MAML3: variants seen among roughly 807,000 people sequenced by gnomAD.
MAML3 encodes mastermind-like protein 3.
MAML3 carries 27 observed loss-of-function variants against 101.9 expected under a neutral mutation model. That is an observed-to-expected ratio of 0.27 (90% CI 0.20 to 0.37). MAML3 has a LOEUF of 0.37. Ranked by LOEUF, MAML3 falls within the 10% of genes least tolerant of loss-of-function variation. The pLI, the probability that MAML3 is intolerant of heterozygous loss-of-function variation, is 1.00. For missense variants in MAML3, 1,316 were observed against 1,444.9 expected, an observed-to-expected ratio of 0.91 and a Z score of 1.45; for synonymous variants, 501 against 555.9, an observed-to-expected ratio of 0.90 and a Z score of 1.39.
Position 140,086,882 on chromosome 4 carries a change from G to A in MAML3, c.468+65978C>T, listed in dbSNP as rs767448599. Among the ~76,000 whole-genome samples the A allele has an allele frequency of 2.6e-5, 4 of 152,262 alleles. No homozygotes were observed. The East Asian group carries it at 5.8e-4, about 22-fold the overall frequency. On this transcript the variant is annotated intron_variant, in intron 1 of 4. Coordinates refer to ENST00000509479, the MANE Select transcript of MAML3 (RefSeq NM_018717.5). Reference sequence around the variant, plus strand: ...TTTGAAAAAAGAATGAAAATAGGCCGGGCACGGTGGCTCACGCCTGTAATC... The same window carrying A: ...TTTGAAAAAAGAATGAAAATAGGCCAGGCACGGTGGCTCACGCCTGTAATC...
chr4:140,151,696 G>GC (rs1031718860), intron 1 of MAML3, among the ~76,000 whole-genome samples: 122 of 150,304 alleles, frequency 8.1e-4, no homozygotes, highest in Non-Finnish European at 2.2e-4. Context: ...GGTGCGGGGG[G>GC]GGGGGGCACA....
chr4:139,983,425 G>T (rs764428297), intron 1 of MAML3, among the ~76,000 whole-genome samples: 43 of 152,330 alleles, frequency 2.8e-4, no homozygotes, highest in Non-Finnish European at 5.3e-4. Flanking sequence ...CAGGTTAAAT[G>T]TTGCTGAGGG....
At chr4:140,124,222 C>T (rs1205337366) in intron 1 of MAML3, among the ~76,000 whole-genome samples, 1 of 152,204 alleles carries the variant, frequency 6.6e-6, no homozygotes, top group African/African-American at 2.4e-5. Context: ...TCTCAATCCA[C>T]CACACTACGC....
Position 140,004,392 on chromosome 4 carries a change from C to A in MAML3, c.469-113425G>T, listed in dbSNP as rs1400209145. 2.0e-5 allele frequency among the ~76,000 whole-genome samples: 3 copies of A among 152,172 alleles called. No individual in the cohort carries two copies. The South Asian group carries it at 6.2e-4, about 32-fold the overall frequency. On this transcript the variant is annotated intron_variant, in intron 1 of 4. Coordinates refer to ENST00000509479, the MANE Select transcript of MAML3 (RefSeq NM_018717.5). Reference sequence around the variant, plus strand: ...CAAGAACGTAATTCCCAGATCCACACAGGGGCACTGTCAGTTTTAAAGGCA... The same window carrying A: ...CAAGAACGTAATTCCCAGATCCACAAAGGGGCACTGTCAGTTTTAAAGGCA...
At chr4:139,965,554 G>A (rs1734113963) in intron 1 of MAML3, among the ~76,000 whole-genome samples, 1 of 152,154 alleles carries the variant, frequency 6.6e-6, no homozygotes, top group Non-Finnish European at 1.5e-5. Flanking sequence ...GCTGTCTTAT[G>A]TTAAAAAGGA....
chr4:140,016,949 A>C (rs1726651542), intron 1 of MAML3, among the ~76,000 whole-genome samples: 2 of 152,232 alleles, frequency 1.3e-5, no homozygotes, highest in Admixed American at 1.3e-4. Context: ...GTCAAGGAAA[A>C]TTTGGTAAGT....
chr4:139,991,898 A>T (rs1026608591), intron 1 of MAML3, among the ~76,000 whole-genome samples: 15 of 152,104 alleles, frequency 9.9e-5, no homozygotes, highest in African/African-American at 2.4e-4. Context: ...TAAAAAAAAA[A>T]TTTCAAGTGT....
Position 139,720,206 on chromosome 4 carries a change from C to T in MAML3, c.2534G>A (p.Gly845Glu). ...CTGCGCAGCTGCGGTGGCCATCGTC[C>T]CAGGGTTCTGGGAGGGTCCTATTCC... ...MMGIGPSQNPGTMATAAAQSE... is the reference protein window; with the variant it reads ...MMGIGPSQNPETMATAAAQSE... Residue 845 changes from glycine to glutamate, a missense_variant, in exon 5 of 5, where the codon GGG (glycine) becomes GAG (glutamate). Coordinates refer to ENST00000509479, the MANE Select transcript of MAML3 (RefSeq NM_018717.5). 2 of 1,613,834 alleles carry T rather than the reference C, an allele frequency of 1.2e-6. No homozygotes were observed.
chr4:140,111,118 T>G (rs1728432457), intron 1 of MAML3, among the ~76,000 whole-genome samples: 1 of 152,230 alleles, frequency 6.6e-6, no homozygotes. Flanking sequence ...CTATGCTATG[T>G]ATTAAACATG....
intron 2 of MAML3, among the ~76,000 whole-genome samples, chr4:139,809,554 C>T (rs77843337): frequency 0.013 from 2,032 of 152,244 alleles, 42 homozygotes; most frequent in African/African-American, 0.046. Context: ...GATTGTGCAC[C>T]GGCACACGTC....
intron 1 of MAML3, among the ~76,000 whole-genome samples, chr4:139,931,950 C>T (rs903411550): frequency 6.6e-6 from 1 of 151,896 alleles, no homozygotes; most frequent in Non-Finnish European, 1.5e-5. Flanking sequence ...ACCTGGGAGG[C>T]GGAGGTTGCA....
chr4:139,757,614 G>T (rs143220024), intron 2 of MAML3, among the ~76,000 whole-genome samples: 1,716 of 136,746 alleles, frequency 0.013, 25 homozygotes, highest in East Asian at 0.069. Flanking sequence ...CTGCACTCCA[G>T]CCTGGATGAC....
chr4:140,132,907 C>T (rs185757353), intron 1 of MAML3: 6 of 242,140 alleles, frequency 2.5e-5, no homozygotes, highest in Admixed American at 1.9e-4. Context: ...TGGTCTACAT[C>T]GTGAAACTTC....
chr4:139,942,927 C>G (rs572670178), intron 1 of MAML3, among the ~76,000 whole-genome samples: 1 of 152,144 alleles, frequency 6.6e-6, no homozygotes, highest in African/African-American at 2.4e-5. Flanking sequence ...TATCATAACT[C>G]AAAACAACTG....
intron 1 of MAML3, among the ~76,000 whole-genome samples, chr4:140,003,397 G>A (rs1005699963): frequency 6.6e-6 from 1 of 152,242 alleles, no homozygotes; most frequent in African/African-American, 2.4e-5. Flanking sequence ...TTGGGCATAA[G>A]GAGAAAAAGA....
intron 1 of MAML3, among the ~76,000 whole-genome samples, chr4:140,140,243 G>C (rs1201370339): frequency 3.3e-5 from 5 of 152,108 alleles, no homozygotes; most frequent in African/African-American, 9.7e-5. Flanking sequence ...AGAATTGCCT[G>C]AACCCAGGAG....
intron 2 of MAML3, among the ~76,000 whole-genome samples, chr4:139,762,579 C>G (rs1729779055): frequency 6.6e-6 from 1 of 152,054 alleles, no homozygotes; most frequent in South Asian, 2.1e-4. Flanking sequence ...TATTCAGCAT[C>G]ATAAACCAAA....
intron 1 of MAML3, among the ~76,000 whole-genome samples, chr4:139,976,802 A>C (rs1406169173): frequency 1.6e-4 from 24 of 152,192 alleles, no homozygotes; most frequent in Admixed American, 1.6e-3. Flanking sequence ...ATTAAAACTA[A>C]ATCAGTGGTT....
chr4:139,873,811 G>C (rs1355751480), intron 2 of MAML3, among the ~76,000 whole-genome samples: 3 of 152,184 alleles, frequency 2.0e-5, no homozygotes. Flanking sequence ...GTAGCCTTAT[G>C]GAAGAGCCTG....
Sources: allele counts gnomAD v4.1 joint callset (sites outside exome capture counted in the v4.1 genomes callset), GRCh38; gene constraint gnomAD v4.1.1; transcripts MANE v1.5; gene names NCBI Gene and HGNC (gene_info 2026-07-23, HGNC 2026-07-21).